KLRD1: variants seen among roughly 807,000 people sequenced by gnomAD.
The protein encoded by KLRD1 is natural killer cells antigen CD94.
Under a neutral mutation model 22.6 loss-of-function variants are expected in KLRD1, and 21 were observed. The ratio of observed to expected loss-of-function variants is 0.93; its 90% confidence interval spans 0.66 to 1.34. The LOEUF is 1.34. Among genes scored for constraint, KLRD1 ranks in the 40% most tolerant of loss-of-function variants. The pLI is 0.00. For missense variants in KLRD1, 183 were observed against 208.6 expected (o/e 0.88, Z 0.76); for synonymous variants, 59 against 71.1 (o/e 0.83, Z 0.85).
Position 10,283,043 on chromosome 12 carries a change from T to C in KLRD1, c.-100-24935T>C, listed in dbSNP as rs1209507575. Among the ~76,000 whole-genome samples, 3 of 152,202 alleles carry C rather than the reference T, an allele frequency of 2.0e-5. No individual in the cohort carries two copies. In the South Asian group the frequency reaches 6.2e-4, roughly 32 times the overall value. ...ACAAATTCTGTGCCAAGTCATTACA[T>C]AGAGGGAAGTTAACAGAGGAGGGTA... On this transcript the variant is annotated intron_variant, in intron 1 of 5. Coordinates refer to the KLRD1 transcript ENST00000544747.
chr12:10,256,572 TG>T (rs1414684030), intron 1 of KLRD1, among the ~76,000 whole-genome samples: 1 of 151,796 alleles, frequency 6.6e-6, no homozygotes, highest in African/African-American at 2.4e-5. Flanking sequence ...ACAACTTCAG[TG>T]GCAAACTAAA....
chr12:10,309,826 T>C, intron 3 of KLRD1, 138 bp downstream of exon 3: 6 of 641,486 alleles, frequency 9.4e-6, no homozygotes, highest in Non-Finnish European at 1.7e-5. Flanking sequence ...AGTCTCATTT[T>C]ACATTGCTCA....
intron 1 of KLRD1, among the ~76,000 whole-genome samples, chr12:10,240,871 C>G (rs1208996306): frequency 3.9e-5 from 6 of 152,158 alleles, no homozygotes; most frequent in African/African-American, 1.4e-4. Context: ...GTTTTTGTTG[C>G]TTGCATGAAT....
chr12:10,305,022 C>G (rs1288647597), upstream of KLRD1, among the ~76,000 whole-genome samples: 1 of 152,152 alleles, frequency 6.6e-6, no homozygotes, highest in Admixed American at 6.5e-5. Context: ...CTTGGGGATA[C>G]TAGAACGTAT....
At chr12:10,305,701 G>A (rs1034050210), upstream of KLRD1, among the ~76,000 whole-genome samples, 1 of 152,022 alleles carries the variant, frequency 6.6e-6, no homozygotes, top group Non-Finnish European at 1.5e-5. Context: ...AGTTATTGGA[G>A]AAAAAAAGAA....
Position 10,311,617 on chromosome 12 carries a change from C to T in KLRD1, c.315+2C>T. The T allele has an allele frequency of 1.2e-6, 2 of 1,613,526 alleles. No homozygotes were observed. Among genetic ancestry groups the T allele is most frequent in the Non-Finnish European group, 1.7e-6 (2 of 1,179,544 alleles). On this transcript the variant is annotated splice_donor_variant, in intron 4 of 5. Coordinates refer to ENST00000336164, the MANE Select transcript of KLRD1 (RefSeq NM_002262.5). LOFTEE classifies it low-confidence loss of function (GC_TO_GT_DONOR). ...CAGCTTCAAAACACAGATGAACTGG[C>T]ATGTGCTGAGTCTGATTTTCTACAT...
At chr12:10,282,181 C>T (rs1324359132) in intron 1 of KLRD1, among the ~76,000 whole-genome samples, 1 of 151,686 alleles carries the variant, frequency 6.6e-6, no homozygotes, top group African/African-American at 2.4e-5. Flanking sequence ...TTTTTAATGT[C>T]AGCATTATAT....
At chr12:10,313,952 T>C (rs976213271) in intron 5 of KLRD1, among the ~76,000 whole-genome samples, 5 of 152,224 alleles carry the variant, frequency 3.3e-5, no homozygotes, top group African/African-American at 1.2e-4. Flanking sequence ...ATATCTTTTG[T>C]CAGTTAACTG....
At chr12:10,250,038 C>T (rs773001532) in intron 1 of KLRD1, among the ~76,000 whole-genome samples, 2 of 152,078 alleles carry the variant, frequency 1.3e-5, no homozygotes, top group East Asian at 1.9e-4. Flanking sequence ...ATACGTTGTC[C>T]GTCATGCTCA....
At chr12:10,300,491 A>T (rs1225176808), upstream of KLRD1, among the ~76,000 whole-genome samples, 1 of 152,206 alleles carries the variant, frequency 6.6e-6, no homozygotes, top group African/African-American at 2.4e-5. Context: ...TATTTACTAA[A>T]CCATGTTATA....
In KLRD1 at chr12:10,257,022, ACC is replaced by A. The variant is rs1183071320; in HGVS notation, c.-101+30790_-101+30791del. On this transcript the variant is annotated intron_variant, in intron 1 of 5. Transcript: ENST00000544747. The stretch of plus-strand genomic sequence containing the variant: ...TTTAATTCATAACTTTAGATATACC[ACC>A]TCTCTGCCTTGTGGCCTCCAAAGCT... 6.9e-5 allele frequency among the ~76,000 whole-genome samples: 3 copies of A among 43,442 alleles called. No homozygotes were observed. In the East Asian group the frequency reaches 1.6e-3, roughly 23 times the overall value. The allele number at this position is 43,442 out of a possible 152,430, so 28.5% of individuals were successfully genotyped here.
chr12:10,260,666 C>T (rs1252460521), intron 1 of KLRD1, among the ~76,000 whole-genome samples: 5 of 151,730 alleles, frequency 3.3e-5, no homozygotes, highest in East Asian at 1.9e-4. Flanking sequence ...TTGGGCTGGG[C>T]GTGGTGGCTC....
At chr12:10,305,637 A>G (rs1949910241), upstream of KLRD1, among the ~76,000 whole-genome samples, 2 of 152,188 alleles carry the variant, frequency 1.3e-5, no homozygotes, top group South Asian at 4.1e-4. Context: ...CATTCTGGTG[A>G]TGATTATTCA....
At chr12:10,292,882 C>T (rs1949782747) in intron 1 of KLRD1, among the ~76,000 whole-genome samples, 1 of 151,886 alleles carries the variant, frequency 6.6e-6, no homozygotes. Context: ...AGTGTAGCCA[C>T]CTTTATCAAT....
Position 10,315,352 on chromosome 12 carries a change from C to A in KLRD1, c.*559C>A. 1 of 411,896 alleles carries A rather than the reference C, an allele frequency of 2.4e-6. No individual in the cohort carries two copies. Among genetic ancestry groups the A allele is most frequent in the Non-Finnish European group, 4.8e-6 (1 of 206,328 alleles). 25.5% of individuals were successfully genotyped at this position (411,896 alleles called of 1,614,324 possible). ...TGTTGCCCAGGCTGGTCTTGAACTCCTGGCCTCAAGGGATTCTCCCACCTT... is the reference window on the plus strand; with the variant it reads ...TGTTGCCCAGGCTGGTCTTGAACTCATGGCCTCAAGGGATTCTCCCACCTT... On this transcript the variant is annotated 3_prime_UTR_variant, in exon 6 of 6. Transcript: ENST00000336164.
Position 10,323,750 on chromosome 12 carries a change from A to G in KLRD1, c.*8957A>G, listed in dbSNP as rs988887524. The G allele has an allele frequency of 1.3e-5, 2 of 151,922 alleles. No homozygotes were observed. Among genetic ancestry groups the G allele is most frequent in the African/African-American group, 4.8e-5 (2 of 41,376 alleles). The allele number at this position is 151,922 out of a possible 1,614,324, so 9.4% of individuals were successfully genotyped here. On this transcript the variant is annotated 3_prime_UTR_variant, in exon 6 of 6. Coordinates refer to ENST00000336164, the MANE Select transcript of KLRD1 (RefSeq NM_002262.5). Reference sequence around the variant, plus strand: ...CTATGTTTTATATAGATAGAATCATATAATATGTACATCTGTGTTCTAGAT... The same window carrying G: ...CTATGTTTTATATAGATAGAATCATGTAATATGTACATCTGTGTTCTAGAT...
In KLRD1 at chr12:10,325,688, G is replaced by T. The variant is rs1950354482; in HGVS notation, c.*10895G>T. ...AGTTTCATCCACATTGTTACATATTGCAGGATTTCATTTTTAAGGCTGGAT... is the reference window on the plus strand; with the variant it reads ...AGTTTCATCCACATTGTTACATATTTCAGGATTTCATTTTTAAGGCTGGAT... On this transcript the variant is annotated 3_prime_UTR_variant, in exon 6 of 6. Transcript: ENST00000336164. The T allele has an allele frequency of 2.6e-5, 4 of 152,206 alleles. No homozygotes were observed. In the Middle Eastern group the frequency reaches 0.01, roughly 388 times the overall value. 9.4% of individuals were successfully genotyped at this position (152,206 alleles called of 1,614,324 possible). A position where few individuals can be genotyped will look rare whatever the true frequency, so the allele number is the denominator to read the frequency against.
At chr12:10,248,361 G>C (rs533453017) in intron 1 of KLRD1, among the ~76,000 whole-genome samples, 1 of 151,988 alleles carries the variant, frequency 6.6e-6, no homozygotes, top group Non-Finnish European at 1.5e-5. Flanking sequence ...TTAAAAAAAT[G>C]GTACATGACT....
chr12:10,279,373 A>G (rs191555362), intron 1 of KLRD1, among the ~76,000 whole-genome samples: 2 of 152,162 alleles, frequency 1.3e-5, no homozygotes, highest in African/African-American at 4.8e-5. Flanking sequence ...TTAGTCACTT[A>G]CAGTTTCAGA....
Sources: gnomAD v4.1 joint callset for allele counts (sites outside exome capture counted in the v4.1 genomes callset) on GRCh38, gnomAD v4.1.1 for gene constraint, MANE v1.5 for transcripts, NCBI Gene and HGNC (gene_info 2026-07-23, HGNC 2026-07-21) for gene names.